TET3: variants seen among roughly 807,000 people sequenced by gnomAD.
TET3 encodes the protein tet methylcytosine dioxygenase 3.
TET3 carries 19 observed loss-of-function variants against 141.4 expected under a neutral mutation model. That is an observed-to-expected ratio of 0.13 (90% CI 0.09 to 0.20). The LOEUF (loss-of-function observed/expected upper bound fraction) is 0.20, where lower values mean the gene tolerates loss of function less well. Among genes scored for constraint, TET3 ranks in the 10% least tolerant of loss-of-function variants. The pLI, the probability that TET3 is intolerant of heterozygous loss-of-function variation, is 1.00. For missense variants in TET3, 1,874 were observed against 2,356.9 expected (o/e 0.80, Z 4.24); for synonymous variants, 1,043 against 980.9 (o/e 1.06, Z -1.18).
chr2:74,122,190 T>G, the TET3 span: 1 of 152,132 alleles, frequency 6.6e-6, no homozygotes, highest in East Asian at 1.9e-4. Flanking sequence ...ACAGCCAGTT[T>G]GAGTCACAAA....
At chr2:74,127,534 G>A in the TET3 span, among the ~76,000 whole-genome samples, 16 of 152,208 alleles carry the variant, frequency 1.1e-4, no homozygotes, top group East Asian at 2.9e-3. Flanking sequence ...ACGAATTGGA[G>A]ACAGAAAATA....
intron 4 of TET3, among the ~76,000 whole-genome samples, chr2:74,056,543 A>G (rs1024101990): frequency 1.3e-4 from 19 of 151,766 alleles, no homozygotes; most frequent in Admixed American, 5.9e-4. Context: ...AAAGGGGGGG[A>G]AAAAAAGAAC....
At chr2:73,992,311 T>TTTTTCTTTTTTTTCTTTC in intron 2 of TET3, among the ~76,000 whole-genome samples, 3 of 151,122 alleles carry the variant, frequency 2.0e-5, no homozygotes, top group Admixed American at 6.6e-5. Flanking sequence ...TTTTCTTTTT[T>TTTTTCTTTTTTTTCTTTC]TTTTTTGTTT....
chr2:74,134,516 C>A, the TET3 span: 8 of 324,740 alleles, frequency 2.5e-5, no homozygotes, highest in Non-Finnish European at 5.0e-5. Flanking sequence ...TAGGGAGGTA[C>A]CTTCAGAACC....
At chr2:74,006,124 G>T (rs753489052) in intron 3 of TET3, among the ~76,000 whole-genome samples, 4 of 151,972 alleles carry the variant, frequency 2.6e-5, no homozygotes, top group Non-Finnish European at 4.4e-5. Flanking sequence ...TGTGATCCTC[G>T]ACTTTCTATA....
chr2:74,110,596 A>G (rs1296296359), downstream of TET3, among the ~76,000 whole-genome samples: 1 of 152,150 alleles, frequency 6.6e-6, no homozygotes, highest in Admixed American at 6.5e-5. Flanking sequence ...AAGACGTGAA[A>G]GACAAAGCTT....
Position 74,047,911 on chromosome 2 carries a change from C to G in TET3, c.1994C>G (p.Ala665Gly). The change falls in exon 4 of 12, where the codon GCG (alanine) becomes GGG (glycine). Residue 665 changes from alanine (A) to glycine (G), a missense_variant. Physicochemically the swap from Ala to Gly is moderately conservative, Grantham distance 60. Around this residue, in one of 10 missense-constraint regions of TET3, gnomAD observed 484 missense variants for 462.2 expected, o/e 1.05. Coordinates refer to ENST00000409262, the MANE Select transcript of TET3 (RefSeq NM_001287491.2). ...CCCCTGCCCCCAGAACCTTCTCTTGCGCTATTTGCACCTAGTCCCTCCAGG... is the reference window on the plus strand; with the variant it reads ...CCCCTGCCCCCAGAACCTTCTCTTGGGCTATTTGCACCTAGTCCCTCCAGG... ...AVPLPPEPSL[A>G]LFAPSPSRDS... The G allele has an allele frequency of 6.2e-7, 1 of 1,613,578 alleles. No individual in the cohort carries two copies. The highest frequency in any genetic ancestry group is 8.5e-7 in the Non-Finnish European group (1 of 1,179,738).
At chr2:74,033,349 A>T (rs1026491174) in intron 3 of TET3, among the ~76,000 whole-genome samples, 1 of 152,212 alleles carries the variant, frequency 6.6e-6, no homozygotes, top group African/African-American at 2.4e-5. Context: ...GAACTGTTAA[A>T]TTGGGCAATA....
intron 2 of TET3, among the ~76,000 whole-genome samples, chr2:73,995,966 A>G (rs1366696164): frequency 6.6e-6 from 1 of 152,046 alleles, no homozygotes; most frequent in Non-Finnish European, 1.5e-5. Flanking sequence ...GCACAGGGAC[A>G]GGAGTGAGGT....
chr2:74,068,902 A>G (rs72907163), intron 4 of TET3, among the ~76,000 whole-genome samples: 3,429 of 152,240 alleles, frequency 0.023, 141 homozygotes, highest in African/African-American at 0.079. Context: ...AGCTCTTGAT[A>G]TATTAAGGAA....
intron 10 of TET3, among the ~76,000 whole-genome samples, chr2:74,094,606 G>A (rs559457552): frequency 6.6e-6 from 1 of 152,280 alleles, no homozygotes; most frequent in South Asian, 2.1e-4. Context: ...GGAAGGAGGC[G>A]AAGGAGGAGG....
At chr2:74,065,506 C>T (rs1688831067) in intron 4 of TET3, among the ~76,000 whole-genome samples, 1 of 151,206 alleles carries the variant, frequency 6.6e-6, no homozygotes. Context: ...TTTCCTGCCT[C>T]AGACCTTGAA....
chr2:73,991,454 G>T (rs1030125147), intron 2 of TET3, among the ~76,000 whole-genome samples: 1 of 151,936 alleles, frequency 6.6e-6, no homozygotes, highest in Non-Finnish European at 1.5e-5. Flanking sequence ...GTGGTGGTGG[G>T]TGCCTGTAAT....
chr2:74,099,536 T>G lies in TET3; in HGVS notation c.3528T>G (p.Ile1176Met). 6.2e-7 allele frequency: 1 copy of G among 1,611,704 alleles called. No homozygotes were observed. The highest frequency in any genetic ancestry group is 8.5e-7 in the Non-Finnish European group (1 of 1,178,960). Reference protein sequence around the residue: ...ARKAAAEKKKIQKEKLSTPEK... With the variant: ...ARKAAAEKKKMQKEKLSTPEK... ...AGGCAGCAGCCGAGAAGAAGAAGAT[T>G]CAGAAGGAGAAGCTGAGCACTCCGG... Residue 1176 changes from isoleucine to methionine, a missense_variant, in exon 11 of 12, where the codon ATT becomes ATG. By Grantham distance (10) the Ile-to-Met change is conservative (BLOSUM62 1). Coordinates refer to ENST00000409262, the MANE Select transcript of TET3 (RefSeq NM_001287491.2).
chr2:74,124,616 T>C, the TET3 span, among the ~76,000 whole-genome samples: 1 of 152,186 alleles, frequency 6.6e-6, no homozygotes, highest in Non-Finnish European at 1.5e-5. Flanking sequence ...TGTTAATCTA[T>C]AACCTTACCC....
intron 3 of TET3, among the ~76,000 whole-genome samples, chr2:74,020,367 G>T (rs1261730187): frequency 1.3e-5 from 2 of 152,166 alleles, no homozygotes; most frequent in African/African-American, 4.8e-5. Context: ...TATTTTTTTA[G>T]AGATGGGGTT....
intron 4 of TET3, among the ~76,000 whole-genome samples, chr2:74,052,612 C>T (rs1240844156): frequency 6.6e-6 from 1 of 151,210 alleles, no homozygotes; most frequent in Admixed American, 6.6e-5. Context: ...TGGCTCATGC[C>T]TGTAATCCCA....
At chr2:74,054,090 C>T (rs555266184) in intron 4 of TET3, among the ~76,000 whole-genome samples, 5 of 152,034 alleles carry the variant, frequency 3.3e-5, no homozygotes, top group East Asian at 3.9e-4. Flanking sequence ...CATGAAGATG[C>T]GGAAGATGAG....
rs1004384555 is a variant in TET3 at position 74,107,914 on chromosome 2, A to ATAAT, written c.*5740_*5743dup. 6.5e-6 allele frequency: 1 copy of ATAAT among 152,714 alleles called. No homozygotes were observed. Among genetic ancestry groups the ATAAT allele is most frequent in the Non-Finnish European group, 1.5e-5 (1 of 68,026 alleles). The allele number at this position is 152,714 out of a possible 1,614,324, so 9.5% of individuals were successfully genotyped here. ...ATTTATGCTGATAATTTTATTTTGT[A>ATAAT]TAATTTTTACCTTTTTGTTAATATT... On this transcript the variant is annotated 3_prime_UTR_variant, in exon 12 of 12. Transcript: ENST00000409262.
Sources: allele counts gnomAD v4.1 joint callset (sites outside exome capture counted in the v4.1 genomes callset), GRCh38; gene constraint gnomAD v4.1.1; regional missense constraint gnomAD v4.1.1; transcripts MANE v1.5; gene names NCBI Gene and HGNC (gene_info 2026-07-23, HGNC 2026-07-21).